Variants in APBA2 observed in about 807,000 individuals in gnomAD.
APBA2 encodes amyloid-beta A4 precursor protein-binding family A member 2.
In APBA2, 30 loss-of-function variants were observed where a neutral mutation model predicts 75.0. That is an observed-to-expected ratio of 0.40 (90% confidence interval 0.30 to 0.54). The LOEUF is 0.54. Ranked by LOEUF, APBA2 falls within the 20% of genes least tolerant of loss-of-function variation. The pLI, the probability that APBA2 is intolerant of heterozygous loss-of-function variation, is 0.49. For missense variants in APBA2, 801 were observed against 1,016.1 expected (o/e 0.79, Z 2.88); for synonymous variants, 444 against 409.6 (o/e 1.08, Z -1.01).
At chr15:28,908,031 C>T (rs1566788796) in intron 1 of APBA2, among the ~76,000 whole-genome samples, 2 of 152,212 alleles carry the variant, frequency 1.3e-5, no homozygotes. Flanking sequence ...ATTTGCAGTG[C>T]ACCTCTGTCC....
At chr15:28,897,600 A>G (rs142930983) in intron 1 of APBA2, among the ~76,000 whole-genome samples, 1,410 of 131,170 alleles carry the variant, frequency 0.011, 19 homozygotes, top group African/African-American at 0.041. Flanking sequence ...CCTGGGCAAC[A>G]GAGCGAGATT....
At chr15:28,989,029 C>T (rs557841279) in intron 2 of APBA2, among the ~76,000 whole-genome samples, 1 of 152,264 alleles carries the variant, frequency 6.6e-6, no homozygotes. Flanking sequence ...ATTTGCATTT[C>T]CCTGCGTGCC....
At chr15:29,092,878 G>T (rs1451712857) in intron 6 of APBA2, among the ~76,000 whole-genome samples, 197 bp from the exon 7 acceptor site, 1 of 152,194 alleles carries the variant, frequency 6.6e-6, no homozygotes, top group Non-Finnish European at 1.5e-5. Flanking sequence ...TGTTGATTTC[G>T]CGCAGTTACT....
In APBA2 at chr15:29,067,477, A is replaced by C. The variant is rs566233923; in HGVS notation, c.952-7444A>C. Among the ~76,000 whole-genome samples the C allele has an allele frequency of 3.9e-5, 6 of 152,124 alleles. No homozygotes were observed. The East Asian group carries it at 1.2e-3, about 29-fold the overall frequency. On this transcript the variant is annotated intron_variant, in intron 4 of 14. Transcript: ENST00000683413. ...AGCCATGAGTAAATAACACAACCACATCCTGAGTGGGAGTAGGGGAGCCTC... is the reference window on the plus strand; with the variant it reads ...AGCCATGAGTAAATAACACAACCACCTCCTGAGTGGGAGTAGGGGAGCCTC...
chr15:29,074,884 CAT>C (rs1566975976), intron 4 of APBA2, 35 bp from the exon 5 acceptor site: 2 of 1,598,998 alleles, frequency 1.3e-6, no homozygotes, highest in South Asian at 1.1e-5. Flanking sequence ...ATTTCTCTAA[CAT>C]ATAAAATCAC....
At chr15:28,927,515 G>A (rs931857544) in intron 2 of APBA2, among the ~76,000 whole-genome samples, 6 of 151,934 alleles carry the variant, frequency 3.9e-5, no homozygotes, top group African/African-American at 1.4e-4. Flanking sequence ...AGTTACACGT[G>A]TAACATCTTT....
intron 4 of APBA2, chr15:29,070,657 TGAAA>T (rs1471939094): frequency 5.7e-6 from 1 of 176,098 alleles, no homozygotes; most frequent in Non-Finnish European, 1.2e-5. Flanking sequence ...CAAGGGCGTC[TGAAA>T]GAAGACGTCC....
intron 2 of APBA2, among the ~76,000 whole-genome samples, chr15:28,943,427 C>A (rs1020635772): frequency 6.6e-6 from 1 of 152,232 alleles, no homozygotes; most frequent in Non-Finnish European, 1.5e-5. Flanking sequence ...CTGTGCCCTG[C>A]ATCTGCGACT....
chr15:28,994,923 C>T (rs892890665), intron 2 of APBA2, among the ~76,000 whole-genome samples: 7 of 152,172 alleles, frequency 4.6e-5, no homozygotes, highest in Admixed American at 3.9e-4. Context: ...GCTGATGCCC[C>T]CGGGAGGAGG....
chr15:29,101,495 G>A (rs556675546), intron 9 of APBA2, 104 bp from the exon 10 acceptor site: 2 of 1,325,150 alleles, frequency 1.5e-6, no homozygotes, highest in South Asian at 2.5e-5. Flanking sequence ...GCCTCCCAAA[G>A]TGCTAGGATT....
At chr15:29,059,628 G>A (rs768334742) in intron 4 of APBA2, among the ~76,000 whole-genome samples, 11 of 152,086 alleles carry the variant, frequency 7.2e-5, no homozygotes, top group South Asian at 2.1e-4. Flanking sequence ...AACAAGGTGC[G>A]TATAAACAGA....
At chr15:29,069,272 T>C (rs2042514014) in intron 4 of APBA2, among the ~76,000 whole-genome samples, 1 of 152,230 alleles carries the variant, frequency 6.6e-6, no homozygotes, top group Admixed American at 6.5e-5. Context: ...GATGGACATT[T>C]GAGTTGTTTC....
intron 1 of APBA2, among the ~76,000 whole-genome samples, chr15:28,903,970 G>A (rs1240100800): frequency 6.6e-6 from 1 of 152,150 alleles, no homozygotes; most frequent in Admixed American, 6.5e-5. Flanking sequence ...ACAAAATTAG[G>A]TTGAACCATA....
intron 2 of APBA2, among the ~76,000 whole-genome samples, chr15:28,957,487 G>A (rs2036236482): frequency 6.6e-6 from 1 of 152,174 alleles, no homozygotes; most frequent in African/African-American, 2.4e-5. Flanking sequence ...TTCCAAAGGG[G>A]CTGCACACCA....
intron 6 of APBA2, among the ~76,000 whole-genome samples, chr15:29,078,542 C>T (rs916012748): frequency 6.0e-5 from 9 of 149,044 alleles, no homozygotes; most frequent in African/African-American, 1.7e-4. Context: ...ACCCGGGAGG[C>T]GGAGCTTGCA....
rs950554901 is a variant in APBA2 at position 28,918,242 on chromosome 15, G to T, written c.-204-3398G>T. On this transcript the variant is annotated intron_variant, in intron 1 of 14. Transcript: ENST00000683413. This position sits in a 1 kb window ranked among gnomAD's most constrained non-coding sequence, Gnocchi z 4.2. ...GAAGCGTTCCTGGCGCCACGGAGCC[G>T]GTCAGTGACAGAGCCGGGTCTCAAC... 2.0e-5 allele frequency among the ~76,000 whole-genome samples: 3 copies of T among 152,192 alleles called. No individual in the cohort carries two copies. The highest frequency in any genetic ancestry group is 7.2e-5 in the African/African-American group (3 of 41,440).
At chr15:29,065,621 C>T (rs955443409) in intron 4 of APBA2, among the ~76,000 whole-genome samples, 1 of 152,174 alleles carries the variant, frequency 6.6e-6, no homozygotes, top group Admixed American at 6.5e-5. Flanking sequence ...TGATAGAGGC[C>T]TCCAGGACTT....
intron 3 of APBA2, among the ~76,000 whole-genome samples, chr15:29,033,778 G>A (rs1051291574): frequency 1.3e-5 from 2 of 151,866 alleles, no homozygotes; most frequent in African/African-American, 4.8e-5. Flanking sequence ...GGCTAATAAC[G>A]GTGAAACCCC....
chr15:28,908,365 C>T (rs990341182), intron 1 of APBA2, among the ~76,000 whole-genome samples: 2 of 148,498 alleles, frequency 1.3e-5, no homozygotes, highest in South Asian at 2.1e-4. Flanking sequence ...GGCTGGAGTA[C>T]AGTGGCGCAA....
Sources: allele counts gnomAD v4.1 joint callset (sites outside exome capture counted in the v4.1 genomes callset), GRCh38; gene constraint gnomAD v4.1.1; non-coding constraint Gnocchi (gnomAD v3.1); transcripts MANE v1.5; gene names NCBI Gene and HGNC (gene_info 2026-07-23, HGNC 2026-07-21).